The following NLK variants were observed in gnomAD, a reference collection of about 807,000 sequenced individuals.
The protein encoded by NLK is serine/threonine-protein kinase NLK.
In NLK, 11 loss-of-function variants were observed where a neutral mutation model predicts 59.0. The ratio of observed to expected loss-of-function variants is 0.19; its 90% CI spans 0.12 to 0.31. The LOEUF is 0.31. Ranked by LOEUF, NLK falls within the 10% of genes least tolerant of loss-of-function variation. The probability of loss-of-function intolerance (pLI) is 1.00; values close to 1 mark genes in which losing one functional copy is unlikely to be tolerated. For synonymous variants in NLK, 235 were observed against 235.9 expected (o/e 1.00, Z 0.03); for missense variants, 410 against 661.1 (o/e 0.62, Z 4.16).
chr17:28,133,300 TAAG>T (rs1185258658), intron 3 of NLK, among the ~76,000 whole-genome samples: 1 of 152,106 alleles, frequency 6.6e-6, no homozygotes, highest in Non-Finnish European at 1.5e-5. Flanking sequence ...GCACAAAAGG[TAAG>T]AAAATTGACC....
intron 1 of NLK, among the ~76,000 whole-genome samples, chr17:28,092,112 C>T (rs1374743065): frequency 1.3e-5 from 2 of 152,236 alleles, no homozygotes; most frequent in African/African-American, 2.4e-5. Context: ...ACATGTAGCA[C>T]TTGCACAGCA....
At chr17:28,147,226 T>G (rs1393484694) in intron 3 of NLK, among the ~76,000 whole-genome samples, 2 of 152,182 alleles carry the variant, frequency 1.3e-5, no homozygotes, top group Non-Finnish European at 2.9e-5. Flanking sequence ...ACAAAGATGC[T>G]GTTGGCACCA....
At chr17:28,148,229 C>T (rs1425186416) in intron 3 of NLK, among the ~76,000 whole-genome samples, 1 of 152,104 alleles carries the variant, frequency 6.6e-6, no homozygotes, top group Non-Finnish European at 1.5e-5. Flanking sequence ...AGTCCAAGCC[C>T]TGTACCCTGC....
chr17:28,122,026 G>A (rs1906086308), intron 1 of NLK, among the ~76,000 whole-genome samples: 1 of 152,120 alleles, frequency 6.6e-6, no homozygotes, highest in Non-Finnish European at 1.5e-5. Context: ...AAAGGGATGA[G>A]GTTATCATTA....
chr17:28,071,116 G>C (rs1909994765), intron 1 of NLK, among the ~76,000 whole-genome samples: 1 of 152,132 alleles, frequency 6.6e-6, no homozygotes, highest in African/African-American at 2.4e-5. Context: ...CCACTCAGTA[G>C]GTGTGATAAT....
intron 1 of NLK, among the ~76,000 whole-genome samples, chr17:28,102,422 A>G (rs1904934447): frequency 6.6e-6 from 1 of 152,124 alleles, no homozygotes; most frequent in Non-Finnish European, 1.5e-5. Flanking sequence ...AGGCTGAGGC[A>G]GGTGGATCAT....
chr17:28,183,038 C>T (rs1908974184), intron 7 of NLK, among the ~76,000 whole-genome samples: 1 of 152,078 alleles, frequency 6.6e-6, no homozygotes, highest in African/African-American at 2.4e-5. Flanking sequence ...ATAGGGAACC[C>T]CTGAAGAAAC....
downstream of NLK, among the ~76,000 whole-genome samples, chr17:28,198,385 G>A (rs1005819181): frequency 2.6e-5 from 4 of 152,126 alleles, no homozygotes; most frequent in African/African-American, 9.6e-5. Context: ...GTGTAGTGGC[G>A]CAATCTCGGC....
chr17:28,153,873 CT>C (rs1907589631), intron 3 of NLK, among the ~76,000 whole-genome samples: 1 of 152,050 alleles, frequency 6.6e-6, no homozygotes, highest in African/African-American at 2.4e-5. Context: ...GGTTAACATC[CT>C]TAATATGAGA....
chr17:28,197,231 G>A (rs1345316408), downstream of NLK, among the ~76,000 whole-genome samples: 1 of 152,122 alleles, frequency 6.6e-6, no homozygotes, highest in Non-Finnish European at 1.5e-5. Flanking sequence ...CACTTTGGGA[G>A]GCTGAGGTGG....
chr17:28,142,730 A>T (rs903996221), intron 3 of NLK, among the ~76,000 whole-genome samples: 1 of 152,184 alleles, frequency 6.6e-6, no homozygotes, highest in Admixed American at 6.5e-5. Context: ...GGAAGAAAAA[A>T]AAAACGAGCA....
At chr17:28,126,022 C>A (rs1319089995) in intron 2 of NLK, among the ~76,000 whole-genome samples, 1 of 152,166 alleles carries the variant, frequency 6.6e-6, no homozygotes, top group African/African-American at 2.4e-5. Context: ...TGCTGTAGAG[C>A]CCATATTCAT....
At chr17:28,190,137 G>A (rs1473956880) in intron 8 of NLK, among the ~76,000 whole-genome samples, 1 of 152,144 alleles carries the variant, frequency 6.6e-6, no homozygotes, top group Non-Finnish European at 1.5e-5. Context: ...CAAAGTGTGT[G>A]TTCTTGTTTT....
intron 1 of NLK, chr17:28,048,187 A>C (rs1436613489): frequency 2.7e-6 from 1 of 376,252 alleles, no homozygotes; most frequent in Admixed American, 4.5e-5. Flanking sequence ...GTAGAGAATA[A>C]AAGTAACAAT....
At chr17:28,163,753 T>C (rs1908107207) in intron 5 of NLK, 125 bp downstream of exon 5, 1 of 619,216 alleles carries the variant, frequency 1.6e-6, no homozygotes, top group Non-Finnish European at 2.8e-6. Flanking sequence ...AACCCAGTTT[T>C]CTCCATATCA....
At chr17:28,047,451 A>C (rs1021541864) in intron 1 of NLK, among the ~76,000 whole-genome samples, 1 of 152,254 alleles carries the variant, frequency 6.6e-6, no homozygotes, top group Non-Finnish European at 1.5e-5. Context: ...ACAAATAAAA[A>C]TAATACACAT....
At chr17:28,089,357 G>C (rs62065056) in intron 1 of NLK, among the ~76,000 whole-genome samples, 3 of 151,690 alleles carry the variant, frequency 2.0e-5, no homozygotes, top group African/African-American at 7.3e-5. Flanking sequence ...CTTCTTTCAC[G>C]CAGCTTATTT....
Position 28,157,536 on chromosome 17 carries a change from A to G in NLK, c.645-3624A>G, listed in dbSNP as rs547780155. Among the ~76,000 whole-genome samples, 3 of 152,238 alleles carry G rather than the reference A, an allele frequency of 2.0e-5. No individual in the cohort carries two copies. In the South Asian group the frequency reaches 6.2e-4, roughly 32 times the overall value. On this transcript the variant is annotated intron_variant, in intron 3 of 10. Coordinates refer to ENST00000407008, the MANE Select transcript of NLK (RefSeq NM_016231.5). Reference sequence around the variant, plus strand: ...GAGATGGGATTTCTCCATGTTGCCCAGGCTGGTCTCAAACTCCTGGGCTCA... The same window carrying G: ...GAGATGGGATTTCTCCATGTTGCCCGGGCTGGTCTCAAACTCCTGGGCTCA...
chr17:28,095,138 A>G (rs1365311447), intron 1 of NLK, among the ~76,000 whole-genome samples: 1 of 152,196 alleles, frequency 6.6e-6, no homozygotes, highest in Non-Finnish European at 1.5e-5. Flanking sequence ...TGAGTGCTAG[A>G]AAAGGATTGT....
Sources: gnomAD v4.1 joint callset for allele counts (sites outside exome capture counted in the v4.1 genomes callset) on GRCh38, gnomAD v4.1.1 for gene constraint, MANE v1.5 for transcripts, NCBI Gene and HGNC (gene_info 2026-07-23, HGNC 2026-07-21) for gene names.